Variants in DMXL1 observed in about 807,000 individuals in gnomAD.
The protein encoded by DMXL1 is dmX-like protein 1.
DMXL1 carries 99 observed loss-of-function variants against 319.2 expected under a neutral mutation model. That is an observed-to-expected ratio of 0.31 (90% CI 0.26 to 0.37). The LOEUF (loss-of-function observed/expected upper bound fraction) is 0.37. Ranked by LOEUF, DMXL1 falls within the 10% of genes least tolerant of loss-of-function variation. The pLI is 1.00. For synonymous variants in DMXL1, 1,385 were observed against 1,235.2 expected (o/e 1.12, Z -2.54); for missense variants, 3,745 against 3,595.6 (o/e 1.04, Z -1.06).
chr5:119,239,959 CAA>C (rs200453825), intron 41 of DMXL1, among the ~76,000 whole-genome samples: 2 of 121,364 alleles, frequency 1.6e-5, no homozygotes, highest in Admixed American at 8.4e-5. Flanking sequence ...AACTCCATCT[CAA>C]AAAAAAAAAA....
rs1228269459 is a variant in DMXL1 at position 119,171,269 on chromosome 5, G to C, written c.6478G>C (p.Glu2160Gln). ...AATGGAATTGATTTTGCTTTTGCAA[G>C]AATCTCAGCAGGTATGTAATTTACT... ...VRMELILLLQESQQETSEPLF... is the reference protein window; with the variant it reads ...VRMELILLLQQSQQETSEPLF... The change falls in exon 24 of 44, where the codon GAA (glutamate) becomes CAA (glutamine). Residue 2160 changes from glutamate to glutamine, a missense_variant. Glu to Gln is a conservative substitution (Grantham distance 29). This residue lies in a region of DMXL1 where 1,382 missense variants were observed against 1,269.5 expected (regional missense o/e 1.09). Coordinates refer to ENST00000539542, the MANE Select transcript of DMXL1 (RefSeq NM_001290321.3). The C allele has an allele frequency of 6.9e-6, 11 of 1,594,896 alleles. No homozygotes were observed. Among genetic ancestry groups the C allele is most frequent in the Admixed American group, 1.7e-5 (1 of 57,602 alleles).
intron 13 of DMXL1, among the ~76,000 whole-genome samples, chr5:119,136,869 C>A (rs1580942912): frequency 6.6e-6 from 1 of 152,246 alleles, no homozygotes; most frequent in East Asian, 1.9e-4. Context: ...GGGGCGAAGC[C>A]CTCATGGAAA....
At chr5:119,228,598 A>G (rs960681406) in intron 38 of DMXL1, among the ~76,000 whole-genome samples, 2 of 152,196 alleles carry the variant, frequency 1.3e-5, no homozygotes, top group Admixed American at 1.3e-4. Context: ...GCAATTTAAC[A>G]TATCAATTAA....
intron 1 of DMXL1, among the ~76,000 whole-genome samples, chr5:119,076,649 G>T (rs10900727): frequency 0.59 from 90,422 of 152,114 alleles, 28,561 homozygotes; most frequent in East Asian, 0.97. Context: ...TTAAAGATAA[G>T]AATTGCTGCA....
At chr5:119,113,261 G>A (rs899693024) in intron 5 of DMXL1, among the ~76,000 whole-genome samples, 2 of 152,044 alleles carry the variant, frequency 1.3e-5, no homozygotes, top group Non-Finnish European at 1.5e-5. Context: ...GTTGTTGTTC[G>A]AGACGGAGTC....
intron 1 of DMXL1, among the ~76,000 whole-genome samples, chr5:119,079,749 C>T (rs1751775062): frequency 1.3e-5 from 2 of 152,200 alleles, no homozygotes; most frequent in Non-Finnish European, 1.5e-5. Context: ...AACAGATCTC[C>T]TTTGTACCTT....
intron 9 of DMXL1, chr5:119,128,010 C>A (rs372295350): frequency 4.9e-6 from 2 of 407,374 alleles, no homozygotes; most frequent in African/African-American, 4.2e-5. Flanking sequence ...AGGCATCTGA[C>A]ATCTGTTTTA....
chr5:119,179,156 A>T (rs541505937), intron 28 of DMXL1, among the ~76,000 whole-genome samples: 2 of 152,116 alleles, frequency 1.3e-5, no homozygotes, highest in South Asian at 4.1e-4. Flanking sequence ...TTAAAACTGT[A>T]TTTTTTTCAT....
At chr5:119,162,830 T>A (rs990169595) in intron 19 of DMXL1, among the ~76,000 whole-genome samples, 5 of 152,182 alleles carry the variant, frequency 3.3e-5, no homozygotes, top group Non-Finnish European at 4.4e-5. Context: ...ATTCACAATG[T>A]AGGGTTTTTT....
chr5:119,177,108 T>G (rs1349821489), intron 26 of DMXL1, among the ~76,000 whole-genome samples: 1 of 152,130 alleles, frequency 6.6e-6, no homozygotes, highest in African/African-American at 2.4e-5. Context: ...CTACTTGTGG[T>G]ACATAGCGAT....
At chr5:119,194,148 T>C (rs1001916644) in intron 30 of DMXL1, among the ~76,000 whole-genome samples, 178 bp downstream of exon 30, 8 of 152,224 alleles carry the variant, frequency 5.3e-5, no homozygotes, top group African/African-American at 1.9e-4. Context: ...CTGTTGACTT[T>C]ATAACACATT....
At chr5:119,176,628 C>G (rs1334315952) in intron 26 of DMXL1, among the ~76,000 whole-genome samples, 1 of 152,004 alleles carries the variant, frequency 6.6e-6, no homozygotes, top group African/African-American at 2.4e-5. Flanking sequence ...ATTTGCCAAT[C>G]ATAACACATT....
At chr5:119,129,981 C>T (rs1444214278) in intron 10 of DMXL1, among the ~76,000 whole-genome samples, 1 of 152,136 alleles carries the variant, frequency 6.6e-6, no homozygotes, top group African/African-American at 2.4e-5. Flanking sequence ...TCACAGGGCC[C>T]GTGTAGTTCC....
intron 4 of DMXL1, among the ~76,000 whole-genome samples, 174 bp from the exon 5 acceptor site, chr5:119,109,977 T>G (rs1313875424): frequency 6.6e-6 from 1 of 152,234 alleles, no homozygotes; most frequent in Non-Finnish European, 1.5e-5. Context: ...ATTTCTTCCT[T>G]TCTATCTCAA....
chr5:119,216,685 GT>G (rs147406411), intron 34 of DMXL1, among the ~76,000 whole-genome samples: 2 of 152,004 alleles, frequency 1.3e-5, no homozygotes, highest in African/African-American at 4.8e-5. Flanking sequence ...TGTATCAGCT[GT>G]TTTTTTATGT....
In DMXL1 at chr5:119,194,001, T is replaced by A. The variant is rs555665419; in HGVS notation, c.7457+31T>A. On this transcript the variant is annotated intron_variant, in intron 30 of 43. Coordinates refer to ENST00000539542, the MANE Select transcript of DMXL1 (RefSeq NM_001290321.3). Reference sequence around the variant, plus strand: ...GTATATTTTATTTTAAATTTCTTTTTAAAAATAATGGTGTATATAAATAAT... The same window carrying A: ...GTATATTTTATTTTAAATTTCTTTTAAAAAATAATGGTGTATATAAATAAT... 4.9e-5 allele frequency: 69 copies of A among 1,409,578 alleles called. No homozygotes were observed. In the African/African-American group the frequency reaches 9.5e-4, roughly 19 times the overall value. The allele number at this position is 1,409,578 out of a possible 1,614,324, so 87.3% of individuals were successfully genotyped here.
chr5:119,164,396 G>A, intron 19 of DMXL1, 111 bp from the exon 20 acceptor site: 1 of 936,264 alleles, frequency 1.1e-6, no homozygotes. Context: ...CTTAAACTGT[G>A]AGTCTCATAG....
intron 1 of DMXL1, among the ~76,000 whole-genome samples, chr5:119,090,502 AT>A (rs1235263045): frequency 6.9e-6 from 1 of 144,512 alleles, no homozygotes; most frequent in African/African-American, 2.6e-5. Context: ...TTTTGAGGTA[AT>A]TTTTTGTATC....
chr5:119,178,386 T>A, intron 28 of DMXL1, 142 bp downstream of exon 28: 1 of 991,108 alleles, frequency 1.0e-6, no homozygotes, highest in East Asian at 2.7e-5. Flanking sequence ...AGTCATACAG[T>A]GAAAATGCAG....
Sources: gnomAD v4.1 joint callset for allele counts (sites outside exome capture counted in the v4.1 genomes callset) on GRCh38, gnomAD v4.1.1 for gene constraint, gnomAD v4.1.1 regional missense constraint, MANE v1.5 for transcripts, NCBI Gene and HGNC (gene_info 2026-07-23, HGNC 2026-07-21) for gene names.